Variants in ACOXL observed in about 807,000 individuals in gnomAD.
ACOXL encodes the protein acyl-CoA oxidase like.
In ACOXL, 70 loss-of-function variants were observed where a neutral mutation model predicts 71.9. The observed-to-expected ratio is 0.97, with a 90% CI of 0.80 to 1.19. ACOXL has a LOEUF of 1.19. Ranked by LOEUF, ACOXL falls within the 50% of genes most tolerant of loss-of-function variation. The pLI, the probability that ACOXL is intolerant of heterozygous loss-of-function variation, is 0.00. For missense variants in ACOXL, 703 were observed against 736.3 expected (o/e 0.95, Z 0.52); for synonymous variants, 253 against 281.6 (o/e 0.90, Z 1.02).
chr2:110,932,120 T>C (rs2060497350), intron 11 of ACOXL, among the ~76,000 whole-genome samples: 1 of 152,174 alleles, frequency 6.6e-6, no homozygotes, highest in African/African-American at 2.4e-5. Flanking sequence ...TACAAATATA[T>C]ATTGTAATGT....
intron 12 of ACOXL, among the ~76,000 whole-genome samples, chr2:110,984,126 G>A (rs1193090004): frequency 2.0e-5 from 3 of 152,126 alleles, no homozygotes; most frequent in Non-Finnish European, 2.9e-5. Context: ...GATTACAGGC[G>A]TGCACCACTG....
At chr2:110,900,084 CAT>C (rs1491051648) in intron 10 of ACOXL, among the ~76,000 whole-genome samples, 100 of 93,190 alleles carry the variant, frequency 1.1e-3, no homozygotes, top group Middle Eastern at 0.012. Context: ...CACACACACA[CAT>C]ACACACACAC....
At chr2:110,774,021 A>G (rs905779077) in intron 2 of ACOXL, among the ~76,000 whole-genome samples, 1 of 152,180 alleles carries the variant, frequency 6.6e-6, no homozygotes, top group Non-Finnish European at 1.5e-5. Flanking sequence ...GTTTTTTGAC[A>G]CTGCAACCAT....
intron 10 of ACOXL, among the ~76,000 whole-genome samples, chr2:110,868,507 A>G (rs1573913127): frequency 6.6e-6 from 1 of 152,220 alleles, no homozygotes; most frequent in East Asian, 1.9e-4. Context: ...TCAGATCACA[A>G]CCAGCTGGCC....
At chr2:110,950,097 A>G (rs11893322) in intron 12 of ACOXL, among the ~76,000 whole-genome samples, 31 of 152,126 alleles carry the variant, frequency 2.0e-4, no homozygotes, top group African/African-American at 7.5e-4. Flanking sequence ...CATGTGCACA[A>G]TGTGCAGGTT....
At chr2:110,818,455 A>G (rs776121840) in intron 9 of ACOXL, among the ~76,000 whole-genome samples, 2,761 of 144,896 alleles carry the variant, frequency 0.019, 30 homozygotes, top group African/African-American at 0.024. Context: ...GTGTGTGTAT[A>G]TATATATATA....
rs550305817 is a variant in ACOXL, at chr2:110,785,698, T to A, written c.159+883T>A. On this transcript the variant is annotated intron_variant, in intron 3 of 17. Transcript: ENST00000439055. ...CACTTTCTCATGTTGTTTCCAGGAT[T>A]TTGCTAATGTGAAAAGTGCTGCTGT... Among the ~76,000 whole-genome samples, 5 of 152,290 alleles carry A rather than the reference T, an allele frequency of 3.3e-5. No homozygotes were observed. The East Asian group carries it at 7.7e-4, about 24-fold the overall frequency.
intron 10 of ACOXL, among the ~76,000 whole-genome samples, chr2:110,882,334 G>A (rs1328757639): frequency 1.3e-5 from 2 of 152,098 alleles, no homozygotes; most frequent in Non-Finnish European, 2.9e-5. Context: ...ATATTGGTGA[G>A]TTTTAAGAGT....
chr2:110,834,321 G>C (rs962006482), intron 9 of ACOXL, among the ~76,000 whole-genome samples: 1 of 152,222 alleles, frequency 6.6e-6, no homozygotes, highest in Non-Finnish European at 1.5e-5. Flanking sequence ...TCTTTTAAGG[G>C]ACTTCAGCTT....
At chr2:110,907,360 A>G (rs566553784) in intron 10 of ACOXL, among the ~76,000 whole-genome samples, 78 of 152,322 alleles carry the variant, frequency 5.1e-4, no homozygotes, top group African/African-American at 1.8e-3. Context: ...TAGGGCTTCA[A>G]TATGTGAATT....
chr2:111,096,106 A>G (rs1168022752), intron 17 of ACOXL, among the ~76,000 whole-genome samples: 1 of 152,212 alleles, frequency 6.6e-6, no homozygotes, highest in Non-Finnish European at 1.5e-5. Flanking sequence ...ACAAGGGTCC[A>G]GGTGTTTTCA....
rs780226100 is a variant in ACOXL, at chr2:110,874,825, G to A, written c.788+33420G>A. ...CAGGAGGATTCTTGGGCTCCATCCC[G>A]GATCTCGTGAACCAGCATCCCTCGG... is the stretch of plus-strand genomic sequence containing the variant. On this transcript the variant is annotated intron_variant, in intron 10 of 17. Transcript: ENST00000439055. Among the ~76,000 whole-genome samples the A allele has an allele frequency of 4.6e-5, 7 of 152,240 alleles. No homozygotes were observed. The Middle Eastern group carries it at 0.01, about 222-fold the overall frequency.
chr2:110,860,028 T>G (rs984244925), intron 10 of ACOXL, among the ~76,000 whole-genome samples: 12 of 152,218 alleles, frequency 7.9e-5, no homozygotes, highest in Non-Finnish European at 1.8e-4. Context: ...ATCTGTGACT[T>G]TGCAGCACTG....
At chr2:110,974,699 CTGAT>C (rs2062366482) in intron 12 of ACOXL, among the ~76,000 whole-genome samples, 1 of 152,236 alleles carries the variant, frequency 6.6e-6, no homozygotes, top group African/African-American at 2.4e-5. Flanking sequence ...CTCTTCCTGA[CTGAT>C]CTGGCTGGCT....
chr2:111,091,899 G>C (rs2068543392), intron 16 of ACOXL, among the ~76,000 whole-genome samples: 2 of 152,066 alleles, frequency 1.3e-5, no homozygotes, highest in African/African-American at 2.4e-5. Flanking sequence ...GCATGACTGT[G>C]AACCACATGA....
chr2:110,899,874 C>T (rs1255881369), intron 10 of ACOXL, among the ~76,000 whole-genome samples: 4 of 152,080 alleles, frequency 2.6e-5, no homozygotes, highest in Non-Finnish European at 5.9e-5. Flanking sequence ...CATTCAGGCT[C>T]CTCTCTAGGG....
At chr2:111,014,234 G>T (rs6730256) in intron 14 of ACOXL, among the ~76,000 whole-genome samples, 31,017 of 152,018 alleles carry the variant, frequency 0.2, 4,003 homozygotes, top group Middle Eastern at 0.31. Flanking sequence ...CCAGTGCAAC[G>T]AGACAGGAAA....
intron 13 of ACOXL, among the ~76,000 whole-genome samples, chr2:110,988,520 C>A (rs1441072627): frequency 3.9e-5 from 6 of 152,118 alleles, no homozygotes; most frequent in African/African-American, 1.4e-4. Context: ...GAAAAACACT[C>A]CCCTACGGTA....
chr2:110,874,501 G>A (rs1057244202), intron 10 of ACOXL, among the ~76,000 whole-genome samples: 1 of 152,148 alleles, frequency 6.6e-6, no homozygotes, highest in Non-Finnish European at 1.5e-5. Context: ...GGCCCCAAGA[G>A]CCCCTCTGCC....
Sources: allele counts gnomAD v4.1 joint callset (sites outside exome capture counted in the v4.1 genomes callset), GRCh38; gene constraint gnomAD v4.1.1; transcripts MANE v1.5; gene names NCBI Gene and HGNC (gene_info 2026-07-23, HGNC 2026-07-21).